The following HS3ST5 variants were observed in gnomAD, a reference collection of about 807,000 sequenced individuals.
HS3ST5 encodes heparan sulfate glucosamine 3-O-sulfotransferase 5.
In HS3ST5, 10 loss-of-function variants were observed where a neutral mutation model predicts 25.4. The observed-to-expected ratio is 0.39, with a 90% CI of 0.24 to 0.67. HS3ST5 has a LOEUF of 0.67. Among genes scored for constraint, HS3ST5 ranks in the 30% least tolerant of loss-of-function variants. HS3ST5 has a pLI of 0.44. For synonymous variants in HS3ST5, 170 were observed against 162.4 expected, an observed-to-expected ratio of 1.05 and a Z score of -0.36; for missense variants, 324 against 420.7, an observed-to-expected ratio of 0.77 and a Z score of 2.01.
At chr6:114,340,878 T>A (rs1414971331) in intron 1 of HS3ST5, 1 of 152,076 alleles carries the variant, frequency 6.6e-6, no homozygotes, top group Non-Finnish European at 1.5e-5. Context: ...AAGTAAAACC[T>A]TTGAGAAGCA....
intron 1 of HS3ST5, among the ~76,000 whole-genome samples, chr6:114,320,422 G>A (rs1475078560): frequency 1.3e-5 from 2 of 151,956 alleles, no homozygotes; most frequent in African/African-American, 4.8e-5. Context: ...TAGTTCAGGG[G>A]AGCTACTGAA....
intron 2 of HS3ST5, among the ~76,000 whole-genome samples, chr6:114,191,738 T>C (rs1481301776): frequency 2.6e-5 from 4 of 152,156 alleles, no homozygotes; most frequent in Admixed American, 2.6e-4. Context: ...TCTGAGGAAA[T>C]GTTTGGCCCT....
At chr6:114,072,392 C>G (rs763440815) in intron 3 of HS3ST5, among the ~76,000 whole-genome samples, 5 of 152,018 alleles carry the variant, frequency 3.3e-5, no homozygotes, top group African/African-American at 1.2e-4. Flanking sequence ...CTGGCTCCTA[C>G]TTTGGAAGCC....
At chr6:114,318,261 A>AT (rs959954870) in intron 1 of HS3ST5, among the ~76,000 whole-genome samples, 2 of 152,290 alleles carry the variant, frequency 1.3e-5, no homozygotes, top group Middle Eastern at 3.4e-3. Context: ...TAGGACATAT[A>AT]TTTTTTTAAC....
intron 2 of HS3ST5, among the ~76,000 whole-genome samples, chr6:114,222,891 A>G (rs1198124241): frequency 1.3e-5 from 2 of 151,870 alleles, no homozygotes; most frequent in Non-Finnish European, 3.0e-5. Flanking sequence ...AGTTGCATTT[A>G]TACAGAAAAG....
At chr6:114,229,731 A>T (rs1383845270) in intron 1 of HS3ST5, among the ~76,000 whole-genome samples, 1 of 152,200 alleles carries the variant, frequency 6.6e-6, no homozygotes, top group Non-Finnish European at 1.5e-5. Flanking sequence ...TGCTTTATTG[A>T]TAAACAGATT....
intron 1 of HS3ST5, among the ~76,000 whole-genome samples, chr6:114,289,537 C>T (rs1015992614): frequency 1.3e-5 from 2 of 152,090 alleles, no homozygotes; most frequent in African/African-American, 2.4e-5. Flanking sequence ...CTTCTTCCAG[C>T]GTATCTGGGA....
chr6:114,096,535 T>A (rs866224660), intron 3 of HS3ST5, among the ~76,000 whole-genome samples: 1 of 152,270 alleles, frequency 6.6e-6, no homozygotes, highest in South Asian at 2.1e-4. Flanking sequence ...GTTTAGCAAC[T>A]GAGCATTTGA....
chr6:114,078,460 G>T (rs1267090675), intron 3 of HS3ST5, among the ~76,000 whole-genome samples: 2 of 152,116 alleles, frequency 1.3e-5, no homozygotes, highest in Non-Finnish European at 2.9e-5. Context: ...GCCTCCCAAA[G>T]TGCTGGGATT....
At chr6:114,302,605 T>G (rs1775126453) in intron 1 of HS3ST5, among the ~76,000 whole-genome samples, 1 of 152,184 alleles carries the variant, frequency 6.6e-6, no homozygotes, top group Non-Finnish European at 1.5e-5. Context: ...ACAATTATTT[T>G]GAAAGAAAGA....
chr6:114,145,172 C>A (rs536113267), intron 3 of HS3ST5, among the ~76,000 whole-genome samples: 1 of 152,196 alleles, frequency 6.6e-6, no homozygotes, highest in Non-Finnish European at 1.5e-5. Context: ...CTACAAGCCC[C>A]GGAGGCAGGG....
At chr6:114,158,106 T>G (rs928308871) in intron 3 of HS3ST5, among the ~76,000 whole-genome samples, 4 of 152,204 alleles carry the variant, frequency 2.6e-5, no homozygotes, top group Admixed American at 2.0e-4. Context: ...CCTTCATGCC[T>G]GGTCCCATGG....
At chr6:114,155,184 T>C (rs866311600) in intron 3 of HS3ST5, among the ~76,000 whole-genome samples, 1 of 152,232 alleles carries the variant, frequency 6.6e-6, no homozygotes, top group African/African-American at 2.4e-5. Flanking sequence ...TTACATATTG[T>C]ATTTTATTAT....
At chr6:114,145,843 C>T (rs1778136316) in intron 3 of HS3ST5, among the ~76,000 whole-genome samples, 1 of 152,180 alleles carries the variant, frequency 6.6e-6, no homozygotes, top group Non-Finnish European at 1.5e-5. Context: ...TAATTTCTCA[C>T]AGCAGTGCTG....
intron 1 of HS3ST5, among the ~76,000 whole-genome samples, chr6:114,309,852 ACATTCTAAACAGAGAATT>A (rs1365410756): frequency 2.0e-5 from 3 of 152,232 alleles, no homozygotes; most frequent in African/African-American, 7.2e-5. Context: ...AGATTGTTTC[ACATTCTAAACAGAGAATT>A]AAGTTTGCAC....
chr6:114,274,215 T>A (rs894959242), intron 1 of HS3ST5, among the ~76,000 whole-genome samples: 1 of 151,950 alleles, frequency 6.6e-6, no homozygotes, highest in Admixed American at 6.6e-5. Flanking sequence ...GAAGTTCTCT[T>A]CTGATGCTTC....
chr6:114,062,888 A>G lies in HS3ST5; in HGVS notation c.-32-11T>C. The G allele has an allele frequency of 6.8e-7, 1 of 1,474,322 alleles. No individual in the cohort carries two copies. Among genetic ancestry groups the G allele is most frequent in the South Asian group, 1.1e-5 (1 of 88,054 alleles). The allele number at this position is 1,474,322 out of a possible 1,614,324, so 91.3% of individuals were successfully genotyped here. A position where few individuals can be genotyped will look rare whatever the true frequency, so the allele number is the denominator to read the frequency against. On this transcript the variant is annotated splice_polypyrimidine_tract_variant and intron_variant, in intron 3 of 4. Transcript: ENST00000312719. ...CAGGACTGCTGCAGCCTGCGATAGA[A>G]GGACTCATCAGCAGCCATCTCTTAG...
chr6:114,234,026 A>T, intron 1 of HS3ST5, among the ~76,000 whole-genome samples: 1 of 152,196 alleles, frequency 6.6e-6, no homozygotes, highest in Non-Finnish European at 1.5e-5. Context: ...AGCTGTAGCC[A>T]GATAATGTTT....
chr6:114,326,192 C>T (rs1776168101), intron 1 of HS3ST5, among the ~76,000 whole-genome samples: 1 of 152,104 alleles, frequency 6.6e-6, no homozygotes, highest in Admixed American at 6.6e-5. Flanking sequence ...AGTTCCAGAC[C>T]AGCCTGGGCA....
Sources: allele counts gnomAD v4.1 joint callset (sites outside exome capture counted in the v4.1 genomes callset), GRCh38; gene constraint gnomAD v4.1.1; transcripts MANE v1.5; gene names NCBI Gene and HGNC (gene_info 2026-07-23, HGNC 2026-07-21).